BRINP2: variants seen among roughly 807,000 people sequenced by gnomAD.
The protein encoded by BRINP2 is BMP/retinoic acid inducible neural specific 2, also known as BMP/retinoic acid-inducible neural-specific protein 2.
In BRINP2, 21 loss-of-function variants were observed where a neutral mutation model predicts 69.2. That is an observed-to-expected ratio of 0.30 (90% CI 0.22 to 0.44). The LOEUF (loss-of-function observed/expected upper bound fraction) is 0.44, where lower values mean the gene tolerates loss of function less well. Among genes scored for constraint, BRINP2 ranks in the 20% least tolerant of loss-of-function variants. The pLI is 1.00. For synonymous variants in BRINP2, 380 were observed against 394.1 expected, an observed-to-expected ratio of 0.96 and a Z score of 0.42; for missense variants, 877 against 986.0, an observed-to-expected ratio of 0.89 and a Z score of 1.48.
At chr1:177,181,741 G>A (rs571153703) in intron 1 of BRINP2, among the ~76,000 whole-genome samples, 2 of 152,320 alleles carry the variant, frequency 1.3e-5, no homozygotes, top group East Asian at 3.9e-4. Flanking sequence ...CGGGGTCTTG[G>A]GAGGCGCCCT....
intron 2 of BRINP2, among the ~76,000 whole-genome samples, chr1:177,240,056 C>T (rs915829920): frequency 2.6e-5 from 4 of 152,152 alleles, no homozygotes; most frequent in African/African-American, 7.2e-5. Flanking sequence ...GGGATAAAAA[C>T]GAGGTAGCCA....
At chr1:177,260,593 C>G (rs183720367) in intron 4 of BRINP2, among the ~76,000 whole-genome samples, 1 of 152,118 alleles carries the variant, frequency 6.6e-6, no homozygotes, top group Non-Finnish European at 1.5e-5. Context: ...TAAGGAATTG[C>G]CACAGCCACC....
In BRINP2 at chr1:177,280,544, C is replaced by T. The variant is rs1008521059; in HGVS notation, c.1368C>T (p.Ile456=). The change falls in exon 8 of 8, where the codon ATC becomes ATT. Residue 456 remains isoleucine (I), a synonymous_variant. Coordinates refer to ENST00000361539, the MANE Select transcript of BRINP2 (RefSeq NM_021165.4). The stretch of plus-strand genomic sequence containing the variant: ...ACCAATCTTCCTGCCAGGGCCCCAT[C>T]CCATGTGCCTTGGGCGAAGGGCCCG... ...PYDQSSCQGP[I]PCALGEGPAC... 1 of 1,614,192 alleles carries T rather than the reference C, an allele frequency of 6.2e-7. No homozygotes were observed. Among genetic ancestry groups the T allele is most frequent in the Non-Finnish European group, 8.5e-7 (1 of 1,180,030 alleles).
In BRINP2 at chr1:177,191,549, G is replaced by A. The variant is rs547608466; in HGVS notation, c.-77+19817G>A. On this transcript the variant is annotated intron_variant, in intron 1 of 7. Transcript: ENST00000361539. ...AGCTCACTGCAACCTCTGCTTCCTG[G>A]GATCAAGCGATTCTCCTGCCTCAGC... 1.3e-3 allele frequency among the ~76,000 whole-genome samples: 192 copies of A among 152,242 alleles called. 1 individual carries two copies. The highest frequency in any genetic ancestry group is 4.1e-3 in the African/African-American group (172 of 41,534).
chr1:177,174,359 A>G (rs534342025), intron 1 of BRINP2, among the ~76,000 whole-genome samples: 1 of 152,246 alleles, frequency 6.6e-6, no homozygotes, highest in Admixed American at 6.5e-5. Flanking sequence ...CTCCTCCGGG[A>G]CTAACTTAAA....
rs1049012894 is a variant in BRINP2, at chr1:177,281,716, G to C, written c.*188G>C. ...ACAGCTACTGCGTGCGTGCGCGCAC[G>C]CATACACACACACACACACACACTG... On this transcript the variant is annotated 3_prime_UTR_variant, in exon 8 of 8. Coordinates refer to ENST00000361539, the MANE Select transcript of BRINP2 (RefSeq NM_021165.4). 3 of 624,226 alleles carry C rather than the reference G, an allele frequency of 4.8e-6. No individual in the cohort carries two copies. Among genetic ancestry groups the C allele is most frequent in the South Asian group, 2.2e-5 (1 of 45,422 alleles). The allele number at this position is 624,226 out of a possible 1,614,324, so 38.7% of individuals were successfully genotyped here.
chr1:177,182,774 GTTACT>G (rs1055163262), intron 1 of BRINP2, among the ~76,000 whole-genome samples: 1 of 152,166 alleles, frequency 6.6e-6, no homozygotes, highest in African/African-American at 2.4e-5. Flanking sequence ...ATCTTGCCAA[GTTACT>G]TTACTACATT....
chr1:177,248,974 C>A (rs1222402920), intron 2 of BRINP2, among the ~76,000 whole-genome samples: 1 of 152,146 alleles, frequency 6.6e-6, no homozygotes, highest in Non-Finnish European at 1.5e-5. Flanking sequence ...TCTCTTATTG[C>A]AGGGCCCCTT....
intron 1 of BRINP2, among the ~76,000 whole-genome samples, chr1:177,224,260 A>G (rs960012005): frequency 3.3e-5 from 5 of 152,216 alleles, no homozygotes; most frequent in African/African-American, 1.2e-4. Flanking sequence ...TGGCCAATTA[A>G]CCACTTATAT....
intron 1 of BRINP2, among the ~76,000 whole-genome samples, chr1:177,220,241 AG>A (rs1351808532): frequency 1.3e-5 from 2 of 152,184 alleles, no homozygotes; most frequent in East Asian, 3.9e-4. Context: ...GAAGCCAAAA[AG>A]GGTGTGGTGT....
intron 4 of BRINP2, among the ~76,000 whole-genome samples, chr1:177,257,869 AC>A (rs1225558513): frequency 6.6e-6 from 1 of 152,204 alleles, no homozygotes; most frequent in African/African-American, 2.4e-5. Flanking sequence ...GGCAGACAGA[AC>A]AAAGTACTAA....
At chr1:177,256,162 C>T in intron 3 of BRINP2, 53 bp downstream of exon 3, 1 of 1,576,656 alleles carries the variant, frequency 6.3e-7, no homozygotes, top group Non-Finnish European at 8.7e-7. Flanking sequence ...TTGGAAATAA[C>T]GTTAAGACTC....
At chr1:177,231,170 T>A (rs183507987) in intron 2 of BRINP2, among the ~76,000 whole-genome samples, 2 of 152,268 alleles carry the variant, frequency 1.3e-5, no homozygotes, top group East Asian at 3.9e-4. Context: ...GCATGCCTTA[T>A]ATAAAGTAAC....
chr1:177,243,498 T>C (rs1190294366), intron 2 of BRINP2, among the ~76,000 whole-genome samples: 1 of 152,116 alleles, frequency 6.6e-6, no homozygotes, highest in Non-Finnish European at 1.5e-5. Context: ...ACAGGTTTGT[T>C]GCTGAGCTGA....
In BRINP2 at chr1:177,185,502, A is replaced by G. The variant is rs79546615; in HGVS notation, c.-77+13770A>G. 6.1e-4 allele frequency among the ~76,000 whole-genome samples: 93 copies of G among 152,318 alleles called. 3 individuals carry two copies. The East Asian group carries it at 0.016, about 26-fold the overall frequency. On this transcript the variant is annotated intron_variant, in intron 1 of 7. Coordinates refer to ENST00000361539, the MANE Select transcript of BRINP2 (RefSeq NM_021165.4). ...GAGAGAATGAACAAAGTGCATGCGG[A>G]GTTAGGGGAAAATCACTAACCATGT...
intron 1 of BRINP2, among the ~76,000 whole-genome samples, chr1:177,210,113 A>T (rs1242810777): frequency 1.3e-5 from 2 of 152,228 alleles, no homozygotes; most frequent in East Asian, 3.8e-4. Flanking sequence ...TGACTTCTCC[A>T]AAGTCAGAGA....
intron 1 of BRINP2, among the ~76,000 whole-genome samples, chr1:177,197,228 G>A (rs1413738565): frequency 2.0e-5 from 3 of 152,188 alleles, no homozygotes; most frequent in Non-Finnish European, 4.4e-5. Flanking sequence ...GGGGGAGCAA[G>A]GTGTCTCACA....
Position 177,276,416 on chromosome 1 carries a change from C to A in BRINP2, c.994C>A (p.Arg332=), listed in dbSNP as rs761246346. Residue 332 remains arginine, a synonymous_variant, in exon 6 of 8, where the codon CGG becomes AGG. Coordinates refer to ENST00000361539, the MANE Select transcript of BRINP2 (RefSeq NM_021165.4). ...QIQDSWATHN[R]QFEESEEFQA... is the part of the protein sequence containing the mutation. ...CCAGGACTCCTGGGCCACTCACAAC[C>A]GGCAGTTTGAAGAGTCAGGTGAGCA... The A allele has an allele frequency of 6.2e-7, 1 of 1,614,078 alleles. No homozygotes were observed. Among genetic ancestry groups the A allele is most frequent in the Admixed American group, 1.7e-5 (1 of 60,030 alleles).
intron 4 of BRINP2, among the ~76,000 whole-genome samples, chr1:177,271,666 G>C (rs1651332350): frequency 6.6e-6 from 1 of 152,196 alleles, no homozygotes; most frequent in African/African-American, 2.4e-5. Context: ...CTGTAGAGAA[G>C]CTGTCCCTGC....
Sources: gnomAD v4.1 joint callset for allele counts (sites outside exome capture counted in the v4.1 genomes callset) on GRCh38, gnomAD v4.1.1 for gene constraint, MANE v1.5 for transcripts, NCBI Gene and HGNC (gene_info 2026-07-23, HGNC 2026-07-21) for gene names.